The following TIMM23 variants were observed in gnomAD, a reference collection of about 807,000 sequenced individuals.
TIMM23 encodes translocase of inner mitochondrial membrane 23, also known as mitochondrial import inner membrane translocase subunit Tim23.
TIMM23 carries 19 observed loss-of-function variants against 30.7 expected under a neutral mutation model. The observed-to-expected ratio is 0.62, with a 90% CI of 0.43 to 0.91. The LOEUF is 0.91. Among genes scored for constraint, TIMM23 ranks in the 40% least tolerant of loss-of-function variants. The probability of loss-of-function intolerance (pLI) is 0.00; values close to 1 mark genes in which losing one functional copy is unlikely to be tolerated. For missense variants in TIMM23, 202 were observed against 269.2 expected (o/e 0.75, Z 1.75); for synonymous variants, 78 against 98.5 (o/e 0.79, Z 1.23).
intron 6 of TIMM23, among the ~76,000 whole-genome samples, chr10:46,001,817 T>C (rs1247493099): frequency 3.9e-5 from 6 of 152,212 alleles, no homozygotes; most frequent in African/African-American, 1.4e-4. Flanking sequence ...TAGCTTGGTT[T>C]CTCTTTGCCA....
intron 6 of TIMM23, among the ~76,000 whole-genome samples, chr10:46,000,170 T>A (rs1838483700): frequency 6.6e-6 from 1 of 152,188 alleles, no homozygotes. Flanking sequence ...CTGACAGGAT[T>A]AAGAGATTAA....
At chr10:46,000,383 G>A (rs1453847417) in intron 6 of TIMM23, among the ~76,000 whole-genome samples, 1 of 152,168 alleles carries the variant, frequency 6.6e-6, no homozygotes, top group Non-Finnish European at 1.5e-5. Flanking sequence ...CCCTCCGTTT[G>A]GGGTCCCTGA....
Position 45,972,667 on chromosome 10 carries a change from T to C in TIMM23, c.43T>C (p.Leu15=), listed in dbSNP as rs1554911967. 6.2e-7 allele frequency: 1 copy of C among 1,614,000 alleles called. No individual in the cohort carries two copies. Among genetic ancestry groups the C allele is most frequent in the Non-Finnish European group, 8.5e-7 (1 of 1,179,868 alleles). Residue 15 remains leucine (L), a synonymous_variant, in exon 1 of 7, where the codon TTG becomes CTG. Transcript: ENST00000580018. ...AAGCGGCAACAAAACCACAGGGGGA[T>C]TGGCCGGCTTTTTCGGAGCCGGCGG... ...GGSGNKTTGG[L]AGFFGAGGAG...
intron 6 of TIMM23, chr10:46,002,412 G>T (rs782304820): frequency 1.2e-4 from 72 of 579,624 alleles, no homozygotes; most frequent in African/African-American, 2.0e-4. Context: ...CTGAGCTCAA[G>T]CCTGCCTCAG....
intron 6 of TIMM23, chr10:45,998,216 C>A (rs1174778137): frequency 5.2e-5 from 12 of 230,680 alleles, no homozygotes; most frequent in African/African-American, 2.8e-4. Flanking sequence ...AAAAAAGATA[C>A]ATGTTAATCT....
At chr10:45,986,303 G>A (rs2132260232) in intron 5 of TIMM23, among the ~76,000 whole-genome samples, 1 of 152,206 alleles carries the variant, frequency 6.6e-6, no homozygotes, top group South Asian at 2.1e-4. Context: ...CTCCTACAGA[G>A]TCACCCCGCT....
At chr10:45,998,759 A>C (rs1455579565) in intron 6 of TIMM23, among the ~76,000 whole-genome samples, 2 of 150,834 alleles carry the variant, frequency 1.3e-5, no homozygotes, top group African/African-American at 2.4e-5. Context: ...TAAGTTTTTG[A>C]TTCATTTGGC....
At chr10:45,988,628 G>A in intron 5 of TIMM23, 109 bp from the exon 6 acceptor site, 2 of 758,850 alleles carry the variant, frequency 2.6e-6, no homozygotes, top group East Asian at 2.5e-5. Flanking sequence ...ACTTAGGAAG[G>A]GCTATGGGAG....
intron 4 of TIMM23, chr10:45,984,708 G>A (rs1837947583): frequency 1.1e-5 from 4 of 360,964 alleles, no homozygotes; most frequent in Non-Finnish European, 2.2e-5. Context: ...GTCCATCACT[G>A]TTCTGGTGGT....
intron 6 of TIMM23, among the ~76,000 whole-genome samples, chr10:45,991,989 T>G (rs1838177586): frequency 1.3e-5 from 2 of 151,964 alleles, no homozygotes; most frequent in Non-Finnish European, 2.9e-5. Context: ...TTTTTTGAGT[T>G]GGGGTCTTGC....
rs553278344 is a variant in TIMM23 at position 46,003,546 on chromosome 10, G to C, written c.*228G>C. ...GTGACTCACTGAGTACCATGGTTCT[G>C]TTCTCCTCTGGAGATCTTGCACGTA... On this transcript the variant is annotated 3_prime_UTR_variant, in exon 7 of 7. Coordinates refer to ENST00000580018, the MANE Select transcript of TIMM23 (RefSeq NM_006327.4). 4.7e-6 allele frequency: 2 copies of C among 421,340 alleles called. No homozygotes were observed. The highest frequency in any genetic ancestry group is 4.3e-5 in the East Asian group (1 of 23,256). The allele number at this position is 421,340 out of a possible 1,614,324, so 26.1% of individuals were successfully genotyped here.
At chr10:45,999,434 A>G (rs2132284803) in intron 6 of TIMM23, among the ~76,000 whole-genome samples, 1 of 152,224 alleles carries the variant, frequency 6.6e-6, no homozygotes, top group Admixed American at 6.5e-5. Flanking sequence ...AAAGAGAGAA[A>G]TTTTAAAGCT....
intron 6 of TIMM23, among the ~76,000 whole-genome samples, chr10:46,000,142 G>A (rs1354830241): frequency 9.2e-5 from 14 of 152,126 alleles, no homozygotes; most frequent in Non-Finnish European, 1.8e-4. Flanking sequence ...GTCCTGAGAC[G>A]ACATACATCT....
chr10:45,983,678 T>C (rs1837915240), intron 4 of TIMM23, among the ~76,000 whole-genome samples: 1 of 152,210 alleles, frequency 6.6e-6, no homozygotes, highest in Non-Finnish European at 1.5e-5. Context: ...TCCTTTCATA[T>C]TGTTCAGCCA....
At chr10:45,978,239 G>C (rs1837737117) in intron 2 of TIMM23, among the ~76,000 whole-genome samples, 1 of 152,004 alleles carries the variant, frequency 6.6e-6, no homozygotes, top group African/African-American at 2.4e-5. Context: ...TGTAGTCCCA[G>C]CTACTAGGGA....
intron 2 of TIMM23, among the ~76,000 whole-genome samples, chr10:45,978,276 C>G (rs1837738153): frequency 6.6e-6 from 1 of 152,070 alleles, no homozygotes; most frequent in African/African-American, 2.4e-5. Flanking sequence ...TCACTTGAGT[C>G]CAGCAGGTCA....
chr10:45,982,477 G>A, intron 2 of TIMM23, 46 bp from the exon 3 acceptor site: 6 of 1,594,684 alleles, frequency 3.8e-6, no homozygotes, highest in Non-Finnish European at 4.3e-6. Context: ...TACAAGATTT[G>A]TGTCTTGAGG....
At chr10:45,992,028 G>A (rs1838179388) in intron 6 of TIMM23, among the ~76,000 whole-genome samples, 1 of 151,150 alleles carries the variant, frequency 6.6e-6, no homozygotes, top group African/African-American at 2.4e-5. Context: ...GTGCAATGGT[G>A]CCATCATGGC....
At position 46,003,345 on chromosome 10, in the gene TIMM23, A is replaced by G; in HGVS notation, c.*27A>G. 6.8e-7 allele frequency: 1 copy of G among 1,473,942 alleles called. No individual in the cohort carries two copies. The highest frequency in any genetic ancestry group is 9.5e-7 in the Non-Finnish European group (1 of 1,052,716). The allele number at this position is 1,473,942 out of a possible 1,614,324, so 91.3% of individuals were successfully genotyped here. The stretch of plus-strand genomic sequence containing the variant: ...GATTTTGCCAACTCATGAATGGAGG[A>G]CACTTCAGTAGTCATCTAGATCCTT... On this transcript the variant is annotated 3_prime_UTR_variant, in exon 7 of 7. Transcript: ENST00000580018.
Sources: allele counts gnomAD v4.1 joint callset (sites outside exome capture counted in the v4.1 genomes callset), GRCh38; gene constraint gnomAD v4.1.1; transcripts MANE v1.5; gene names NCBI Gene and HGNC (gene_info 2026-07-23, HGNC 2026-07-21).